L3HYPDH: variants seen among roughly 807,000 people sequenced by gnomAD.
The protein encoded by L3HYPDH is trans-3-hydroxy-L-proline dehydratase.
Under a neutral mutation model 26.5 loss-of-function variants are expected in L3HYPDH, and 32 were observed. The ratio of observed to expected loss-of-function variants is 1.21; its 90% CI spans 0.91 to 1.62. The LOEUF (loss-of-function observed/expected upper bound fraction) is 1.62. Ranked by LOEUF, L3HYPDH falls within the 40% of genes most tolerant of loss-of-function variation. The pLI is 0.00. For synonymous variants in L3HYPDH, 215 were observed against 196.6 expected, an observed-to-expected ratio of 1.09 and a Z score of -0.78; for missense variants, 554 against 476.4, an observed-to-expected ratio of 1.16 and a Z score of -1.52.
chr14:59,504,129 C>A, the L3HYPDH span: 2 of 983,568 alleles, frequency 2.0e-6, no homozygotes, highest in South Asian at 1.4e-5. Context: ...AAAAGTAAAT[C>A]AATCTTAACA....
chr14:59,469,528 C>T (rs1021926606), downstream of L3HYPDH, among the ~76,000 whole-genome samples: 1 of 142,332 alleles, frequency 7.0e-6, no homozygotes, highest in Non-Finnish European at 1.5e-5. Flanking sequence ...TGCACTCTCG[C>T]CCTGGCGACA....
Position 59,479,211 on chromosome 14 carries a change from T to A in L3HYPDH, c.649A>T (p.Ser217Cys), listed in dbSNP as rs367881729. 1 of 1,610,968 alleles carries A rather than the reference T, an allele frequency of 6.2e-7. No homozygotes were observed. Among genetic ancestry groups the A allele is most frequent in the Non-Finnish European group, 8.5e-7 (1 of 1,179,440 alleles). ...AKTRDLVDAA[S>C]AVTEAVKAQF... ...GCTTTCACTGCCTCTGTCACTGCAC[T>A]CGCTGCATCCACAAGGTCCCTGGTC... Residue 217 changes from serine (S) to cysteine (C), a missense_variant, in exon 2 of 5, where the codon AGT becomes TGT. Coordinates refer to ENST00000247194, the MANE Select transcript of L3HYPDH (RefSeq NM_144581.2).
the L3HYPDH span, chr14:59,504,379 T>C: frequency 1.7e-4 from 50 of 291,362 alleles, no homozygotes; most frequent in Non-Finnish European, 2.9e-4. Context: ...TACCTAGCAA[T>C]GTGTTCCCAT....
chr14:59,495,987 T>C, the L3HYPDH span, among the ~76,000 whole-genome samples: 1 of 152,248 alleles, frequency 6.6e-6, no homozygotes, highest in South Asian at 2.1e-4. Context: ...CACTGCAACC[T>C]CTGCCTTCTG....
In L3HYPDH at chr14:59,473,051, C is replaced by T; in HGVS notation, c.979G>A (p.Val327Ile). The change falls in exon 5 of 5, where the codon GTA becomes ATA. Residue 327 changes from valine to isoleucine, a missense_variant. Val to Ile is a conservative substitution (Grantham distance 29). Coordinates refer to ENST00000247194, the MANE Select transcript of L3HYPDH (RefSeq NM_144581.2). ...CCCGTGTAATGGGCTTGTCCTGATA[C>T]TTCCACTATAACAGCTTTAAAATCA... Reference protein sequence around the residue: ...CGDFKAVIVEVSGQAHYTGTA... With the variant: ...CGDFKAVIVEISGQAHYTGTA... 6.2e-7 allele frequency: 1 copy of T among 1,606,784 alleles called. No individual in the cohort carries two copies. The highest frequency in any genetic ancestry group is 8.5e-7 in the Non-Finnish European group (1 of 1,177,204).
rs920142542 is a variant in L3HYPDH at position 59,479,208 on chromosome 14, C to A, written c.652G>T (p.Ala218Ser). ...KTRDLVDAAS[A>S]VTEAVKAQFK... is the part of the protein sequence containing the mutation. The stretch of plus-strand genomic sequence containing the variant: ...TGAGCTTTCACTGCCTCTGTCACTG[C>A]ACTCGCTGCATCCACAAGGTCCCTG... Residue 218 changes from alanine (A) to serine (S), a missense_variant, in exon 2 of 5, where the codon GCA becomes TCA. Transcript: ENST00000247194. The A allele has an allele frequency of 6.2e-7, 1 of 1,610,524 alleles. No individual in the cohort carries two copies. Among genetic ancestry groups the A allele is most frequent in the African/African-American group, 1.3e-5 (1 of 74,718 alleles).
At chr14:59,486,266 TTC>T (rs1311358372), upstream of L3HYPDH, among the ~76,000 whole-genome samples, 13 of 152,264 alleles carry the variant, frequency 8.5e-5, no homozygotes, top group Admixed American at 2.6e-4. Context: ...TGAAAATGTG[TTC>T]TGTTATGAAC....
chr14:59,472,959 A>G lies in L3HYPDH; in HGVS notation c.*6T>C, dbSNP rs762897352. On this transcript the variant is annotated 3_prime_UTR_variant, in exon 5 of 5. Transcript: ENST00000247194. ...AAAAAGAAAGCCCTTAAAATCATGG[A>G]AGAAGTCACTTGAGAAGAAATCCAT... is the stretch of plus-strand genomic sequence containing the variant. 6.3e-6 allele frequency: 10 copies of G among 1,582,630 alleles called. No individual in the cohort carries two copies. Among genetic ancestry groups the G allele is most frequent in the Admixed American group, 1.9e-5 (1 of 52,002 alleles).
downstream of L3HYPDH, among the ~76,000 whole-genome samples, chr14:59,471,363 T>G (rs756882649): frequency 1.3e-5 from 2 of 152,196 alleles, no homozygotes; most frequent in Non-Finnish European, 2.9e-5. Flanking sequence ...GAGTCGGAAC[T>G]CCTAGATTTG....
At chr14:59,483,773 A>G (rs751118562) in intron 1 of L3HYPDH, 36 bp downstream of exon 1, 3 of 1,583,568 alleles carry the variant, frequency 1.9e-6, no homozygotes, top group Non-Finnish European at 2.6e-6. Flanking sequence ...TCCCGGTTGC[A>G]GCTCTGCCCT....
chr14:59,498,020 A>G, the L3HYPDH span, among the ~76,000 whole-genome samples: 2 of 152,220 alleles, frequency 1.3e-5, no homozygotes, highest in Non-Finnish European at 2.9e-5. Flanking sequence ...GGTGACACAT[A>G]GCTCTTTCTA....
intron 4 of L3HYPDH, among the ~76,000 whole-genome samples, chr14:59,475,446 T>A (rs890913257): frequency 2.0e-5 from 3 of 152,106 alleles, no homozygotes; most frequent in Non-Finnish European, 2.9e-5. Context: ...ACAAAAAAAA[T>A]TATGAGAAAA....
chr14:59,503,997 A>C, the L3HYPDH span: 1 of 1,613,844 alleles, frequency 6.2e-7, no homozygotes, highest in South Asian at 1.1e-5. Context: ...TACCTACACC[A>C]GCCCTTTTTT....
At chr14:59,496,711 C>G in the L3HYPDH span, among the ~76,000 whole-genome samples, 1 of 152,206 alleles carries the variant, frequency 6.6e-6, no homozygotes, top group African/African-American at 2.4e-5. Context: ...AATCATCACA[C>G]AGCTTCATTG....
intron 1 of L3HYPDH, among the ~76,000 whole-genome samples, chr14:59,467,309 G>A (rs571395142): frequency 6.6e-6 from 1 of 152,330 alleles, no homozygotes; most frequent in African/African-American, 2.4e-5. Flanking sequence ...TATTGGAGAT[G>A]GGGAGTGAAG....
the L3HYPDH span, among the ~76,000 whole-genome samples, chr14:59,497,855 A>C: frequency 6.6e-6 from 1 of 152,208 alleles, no homozygotes; most frequent in Non-Finnish European, 1.5e-5. Context: ...GTGGTCCGTG[A>C]TCTGAAATGA....
chr14:59,468,114 G>A (rs949760595), downstream of L3HYPDH, among the ~76,000 whole-genome samples: 1 of 152,234 alleles, frequency 6.6e-6, no homozygotes, highest in African/African-American at 2.4e-5. Context: ...TTAGGCCAGT[G>A]TAGTGGCATG....
At chr14:59,493,231 T>G in the L3HYPDH span, among the ~76,000 whole-genome samples, 1 of 152,192 alleles carries the variant, frequency 6.6e-6, no homozygotes, top group Admixed American at 6.5e-5. Context: ...TGCATCATAA[T>G]TAAACTGCAG....
At position 59,477,905 on chromosome 14, in the gene L3HYPDH, T is replaced by C. The variant is rs559723293; in HGVS notation, c.678+1277A>G. On this transcript the variant is annotated intron_variant, in intron 2 of 4. Transcript: ENST00000247194. ...GTACTAAACATTCAAATACTGTACA[T>C]GTGTTTTATTTATAGGTCCCAATTT... Among the ~76,000 whole-genome samples, 174 of 152,348 alleles carry C rather than the reference T, an allele frequency of 1.1e-3. 1 individual carries two copies. The highest frequency in any genetic ancestry group is 3.4e-3 in the Middle Eastern group (1 of 294).
Sources: gnomAD v4.1 joint callset for allele counts (sites outside exome capture counted in the v4.1 genomes callset) on GRCh38, gnomAD v4.1.1 for gene constraint, MANE v1.5 for transcripts, NCBI Gene and HGNC (gene_info 2026-07-23, HGNC 2026-07-21) for gene names.